ZNF385D: variants seen among roughly 807,000 people sequenced by gnomAD.
ZNF385D encodes zinc finger protein 385D, also known as zinc finger protein 659.
A neutral mutation model predicts 35.8 loss-of-function variants in ZNF385D; 15 were observed. The ratio of observed to expected loss-of-function variants is 0.42; its 90% CI spans 0.28 to 0.64. The LOEUF is 0.64. Ranked by LOEUF, ZNF385D falls within the 30% of genes least tolerant of loss-of-function variation. The probability of loss-of-function intolerance (pLI) is 0.23; values close to 1 mark genes in which losing one functional copy is unlikely to be tolerated. For missense variants in ZNF385D, 474 were observed against 494.6 expected (o/e 0.96, Z 0.39); for synonymous variants, 212 against 186.8 (o/e 1.13, Z -1.10).
chr3:21,984,360 A>G (rs1694685308), intron 3 of ZNF385D, among the ~76,000 whole-genome samples: 1 of 123,696 alleles, frequency 8.1e-6, no homozygotes, highest in African/African-American at 3.6e-5. Flanking sequence ...TAAGGAAGGG[A>G]TCCAGTTTCA....
chr3:21,927,166 C>T (rs918978150), intron 3 of ZNF385D, among the ~76,000 whole-genome samples: 9 of 152,084 alleles, frequency 5.9e-5, no homozygotes, highest in Non-Finnish European at 1.3e-4. Flanking sequence ...ATGCCTGTTT[C>T]CTTTCTCCTT....
intron 2 of ZNF385D, among the ~76,000 whole-genome samples, chr3:21,588,170 C>A (rs1180022921): frequency 6.6e-6 from 1 of 152,002 alleles, no homozygotes; most frequent in Non-Finnish European, 1.5e-5. Flanking sequence ...TGCTGTAAAA[C>A]AGAATCATAA....
At chr3:22,266,728 C>T (rs1700916169) in intron 2 of ZNF385D, among the ~76,000 whole-genome samples, 1 of 151,896 alleles carries the variant, frequency 6.6e-6, no homozygotes. Flanking sequence ...TGTCCCAAAG[C>T]AGTACTCTTG....
intron 3 of ZNF385D, among the ~76,000 whole-genome samples, chr3:22,124,722 C>A (rs111391117): frequency 3.9e-5 from 6 of 151,922 alleles, no homozygotes; most frequent in African/African-American, 7.3e-5. Flanking sequence ...GTCTTTTTTG[C>A]GAATTGTCTA....
chr3:21,620,333 C>A (rs1032173766), intron 2 of ZNF385D, among the ~76,000 whole-genome samples: 1 of 142,080 alleles, frequency 7.0e-6, no homozygotes, highest in Non-Finnish European at 1.6e-5. Context: ...ATGGAAGAGT[C>A]CTAAAAAGAG....
At chr3:22,035,615 G>T (rs768697793) in intron 3 of ZNF385D, among the ~76,000 whole-genome samples, 36 of 152,298 alleles carry the variant, frequency 2.4e-4, no homozygotes, top group Non-Finnish European at 4.0e-4. Context: ...TGTAGCAGAG[G>T]CAGAGAAAGT....
At chr3:21,710,753 T>G (rs1293715710) in intron 1 of ZNF385D, among the ~76,000 whole-genome samples, 1 of 152,292 alleles carries the variant, frequency 6.6e-6, no homozygotes, top group Non-Finnish European at 1.5e-5. Flanking sequence ...AACATCTCCA[T>G]GTAATGTTTT....
chr3:22,238,657 T>C (rs1182004036), intron 2 of ZNF385D, among the ~76,000 whole-genome samples: 1 of 151,052 alleles, frequency 6.6e-6, no homozygotes, highest in Non-Finnish European at 1.5e-5. Flanking sequence ...CTTACAGAAC[T>C]CATTTATTAG....
At chr3:21,568,711 AACCAAGGTTTTTAT>A (rs2063230687) in intron 2 of ZNF385D, among the ~76,000 whole-genome samples, 1 of 152,166 alleles carries the variant, frequency 6.6e-6, no homozygotes, top group Non-Finnish European at 1.5e-5. Flanking sequence ...GACTTAATAT[AACCAAGGTTTTTAT>A]TTTTGTTTTT....
At chr3:21,973,221 A>T (rs1161511102) in intron 3 of ZNF385D, among the ~76,000 whole-genome samples, 1 of 151,982 alleles carries the variant, frequency 6.6e-6, no homozygotes, top group Non-Finnish European at 1.5e-5. Context: ...ATTCATCATG[A>T]CCAAGTTGGA....
chr3:22,039,535 C>T (rs564438440), intron 3 of ZNF385D, among the ~76,000 whole-genome samples: 5 of 152,168 alleles, frequency 3.3e-5, no homozygotes, highest in Admixed American at 2.0e-4. Context: ...TTGCATCAGA[C>T]TAGAGAGGAG....
chr3:21,950,068 A>AGTAACTATGATGGTTTCCTCTCT (rs1701991309), intron 3 of ZNF385D, among the ~76,000 whole-genome samples: 11 of 152,036 alleles, frequency 7.2e-5, no homozygotes, highest in African/African-American at 2.4e-4. Flanking sequence ...TTGGGTATAT[A>AGTAACTATGATGGTTTCCTCTCT]CCCAGTAATG....
intron 3 of ZNF385D, among the ~76,000 whole-genome samples, chr3:21,784,694 T>C (rs1012473877): frequency 6.6e-6 from 1 of 151,924 alleles, no homozygotes; most frequent in Admixed American, 6.6e-5. Flanking sequence ...TAACATGATG[T>C]TTTAGACATT....
chr3:21,751,175 T>C lies in ZNF385D; in HGVS notation c.-259A>G. 9 of 1,395,298 alleles carry C rather than the reference T, an allele frequency of 6.5e-6. No individual in the cohort carries two copies. The highest frequency in any genetic ancestry group is 8.4e-6 in the Non-Finnish European group (9 of 1,074,316). The allele number at this position is 1,395,298 out of a possible 1,614,324, so 86.4% of individuals were successfully genotyped here. ...ATCCTTACTGTAATCCGACTCCTCC[T>C]TGCGATGTCCTTGCCGCGCCTGTGA... On this transcript the variant is annotated 5_prime_UTR_variant, in exon 1 of 8. Transcript: ENST00000281523.
chr3:21,878,332 A>T (rs1698089657), intron 3 of ZNF385D, among the ~76,000 whole-genome samples: 1 of 152,028 alleles, frequency 6.6e-6, no homozygotes, highest in African/African-American at 2.4e-5. Flanking sequence ...TCATGAACTC[A>T]TTTAAATACA....
intron 2 of ZNF385D, among the ~76,000 whole-genome samples, chr3:22,192,287 C>G (rs961242923): frequency 6.6e-6 from 1 of 152,132 alleles, no homozygotes; most frequent in Non-Finnish European, 1.5e-5. Flanking sequence ...TTGCCAATAG[C>G]CTTTGTTTCC....
chr3:21,768,170 G>T (rs1271052469), intron 3 of ZNF385D, among the ~76,000 whole-genome samples: 5 of 151,986 alleles, frequency 3.3e-5, no homozygotes, highest in African/African-American at 1.2e-4. Context: ...GGGACTTAAT[G>T]CCTGCATTTT....
At chr3:21,824,575 C>T (rs939538975) in intron 3 of ZNF385D, among the ~76,000 whole-genome samples, 1 of 151,994 alleles carries the variant, frequency 6.6e-6, no homozygotes, top group African/African-American at 2.4e-5. Context: ...TCAAAAACTT[C>T]ATATATCTAG....
At chr3:22,049,424 G>C (rs1376291918) in intron 3 of ZNF385D, among the ~76,000 whole-genome samples, 1 of 149,986 alleles carries the variant, frequency 6.7e-6, no homozygotes, top group East Asian at 1.9e-4. Context: ...TTTTTTTTTG[G>C]CGGATTCTTT....
Sources: allele counts gnomAD v4.1 joint callset (sites outside exome capture counted in the v4.1 genomes callset), GRCh38; gene constraint gnomAD v4.1.1; transcripts MANE v1.5; gene names NCBI Gene and HGNC (gene_info 2026-07-23, HGNC 2026-07-21).